The following TRIM44 variants were observed in gnomAD, a reference collection of about 807,000 sequenced individuals.
TRIM44 encodes tripartite motif containing 44.
TRIM44 carries 13 observed loss-of-function variants against 37.4 expected under a neutral mutation model. The ratio of observed to expected loss-of-function variants is 0.35; its 90% CI spans 0.23 to 0.55. TRIM44 has a LOEUF of 0.55. Ranked by LOEUF, TRIM44 falls within the 20% of genes least tolerant of loss-of-function variation. The pLI is 0.89. For synonymous variants in TRIM44, 175 were observed against 157.2 expected (o/e 1.11, Z -0.85); for missense variants, 426 against 437.2 (o/e 0.97, Z 0.23).
At chr11:35,742,543 T>TA in intron 4 of TRIM44, among the ~76,000 whole-genome samples, 1 of 119,770 alleles carries the variant, frequency 8.3e-6, no homozygotes, top group African/African-American at 4.4e-5. Flanking sequence ...ATAATTATAT[T>TA]AATTATATTA....
In TRIM44 at chr11:35,725,066, T is replaced by TCACACA. The variant is rs59413888; in HGVS notation, c.748-824_748-819dup. ...GGTTAACTAGGAGACATGCACACAC[T>TCACACA]CACACACACACACACACACACACAC... On this transcript the variant is annotated intron_variant, in intron 2 of 4. Transcript: ENST00000299413. 9.8e-3 allele frequency among the ~76,000 whole-genome samples: 1,390 copies of TCACACA among 141,136 alleles called. 18 individuals carry two copies. Among genetic ancestry groups the TCACACA allele is most frequent in the African/African-American group, 0.031 (1,133 of 36,156 alleles). 92.6% of individuals were successfully genotyped at this position (141,136 alleles called of 152,430 possible). A position where few individuals can be genotyped will look rare whatever the true frequency, so the allele number is the denominator to read the frequency against.
intron 4 of TRIM44, among the ~76,000 whole-genome samples, chr11:35,787,809 T>G (rs1312608923): frequency 1.3e-5 from 2 of 152,234 alleles, no homozygotes; most frequent in Non-Finnish European, 2.9e-5. Flanking sequence ...GTGACCCGCC[T>G]GAACCTTATG....
chr11:35,795,474 C>T (rs1004737958), intron 4 of TRIM44, among the ~76,000 whole-genome samples: 5 of 151,948 alleles, frequency 3.3e-5, no homozygotes, highest in African/African-American at 1.2e-4. Context: ...GTCAATAGGA[C>T]ATGCTATTGG....
At chr11:35,758,634 G>T (rs1163453446) in intron 4 of TRIM44, among the ~76,000 whole-genome samples, 1 of 152,182 alleles carries the variant, frequency 6.6e-6, no homozygotes, top group Non-Finnish European at 1.5e-5. Flanking sequence ...GCAGTGGCTG[G>T]TACTGGTTTT....
At chr11:35,737,713 G>A (rs1030940228) in intron 4 of TRIM44, among the ~76,000 whole-genome samples, 1 of 152,016 alleles carries the variant, frequency 6.6e-6, no homozygotes, top group African/African-American at 2.4e-5. Flanking sequence ...GCGCACACCT[G>A]TAATCCCAGC....
intron 4 of TRIM44, among the ~76,000 whole-genome samples, chr11:35,804,309 A>G (rs949670666): frequency 4.6e-5 from 7 of 152,334 alleles, no homozygotes; most frequent in Admixed American, 2.6e-4. Context: ...ATATTATAGT[A>G]AAGAACCTGG....
In TRIM44 at chr11:35,757,415, A is replaced by G. The variant is rs183905760; in HGVS notation, c.1007+21970A>G. ...TCTTTTCTTCATTAGTCTTGCTAGC[A>G]GTCTATCAATTTTGTTGATTTTTTC... is the stretch of plus-strand genomic sequence containing the variant. On this transcript the variant is annotated intron_variant, in intron 4 of 4. Coordinates refer to ENST00000299413, the MANE Select transcript of TRIM44 (RefSeq NM_017583.6). 1.9e-3 allele frequency among the ~76,000 whole-genome samples: 285 copies of G among 152,084 alleles called. 2 individuals carry two copies. The highest frequency in any genetic ancestry group is 6.6e-3 in the African/African-American group (274 of 41,480).
intron 4 of TRIM44, among the ~76,000 whole-genome samples, chr11:35,745,640 A>G (rs1852478520): frequency 6.6e-6 from 1 of 152,216 alleles, no homozygotes; most frequent in South Asian, 2.1e-4. Context: ...AAGCAAGATA[A>G]TTATTTACCC....
At chr11:35,795,923 C>T (rs1377799024) in intron 4 of TRIM44, among the ~76,000 whole-genome samples, 2 of 151,652 alleles carry the variant, frequency 1.3e-5, no homozygotes, top group Non-Finnish European at 2.9e-5. Flanking sequence ...TATATATCTG[C>T]CAACCACTTC....
At chr11:35,738,714 GTAT>G (rs1852355845) in intron 4 of TRIM44, among the ~76,000 whole-genome samples, 1 of 152,134 alleles carries the variant, frequency 6.6e-6, no homozygotes, top group Admixed American at 6.5e-5. Flanking sequence ...AAGGGCTTCT[GTAT>G]TGCTGACAGT....
At chr11:35,687,064 C>G (rs1199328157) in intron 2 of TRIM44, among the ~76,000 whole-genome samples, 1 of 152,140 alleles carries the variant, frequency 6.6e-6, no homozygotes, top group Non-Finnish European at 1.5e-5. Context: ...ATCATCTGCC[C>G]AAATCTAATG....
At position 35,663,164 on chromosome 11, in the gene TRIM44, G is replaced by A; in HGVS notation, c.53G>A (p.Cys18Tyr). The stretch of plus-strand genomic sequence containing the variant: ...GAGGAACTGCCTCACGACGGCACGT[G>A]TGACGAGTGCGAGCCCGACGAGGCT... The part of the protein sequence containing the change: ...AFEELPHDGT[C>Y]DECEPDEAPG... Residue 18 changes from cysteine to tyrosine, a missense_variant, in exon 1 of 5, where the codon TGT becomes TAT. Around this residue, in one of 2 missense-constraint regions of TRIM44, gnomAD observed 331 missense variants for 303.0 expected, o/e 1.09. Coordinates refer to ENST00000299413, the MANE Select transcript of TRIM44 (RefSeq NM_017583.6). 1.3e-6 allele frequency: 2 copies of A among 1,563,842 alleles called. No individual in the cohort carries two copies. Among genetic ancestry groups the A allele is most frequent in the Non-Finnish European group, 1.7e-6 (2 of 1,155,184 alleles).
intron 1 of TRIM44, among the ~76,000 whole-genome samples, chr11:35,669,471 T>C (rs1851368366): frequency 6.6e-6 from 1 of 151,582 alleles, no homozygotes; most frequent in Non-Finnish European, 1.5e-5. Flanking sequence ...TTTATTTATT[T>C]ATTTATTTAT....
At chr11:35,707,099 C>T (rs981541749) in intron 2 of TRIM44, among the ~76,000 whole-genome samples, 106 of 151,784 alleles carry the variant, frequency 7.0e-4, no homozygotes, top group Middle Eastern at 3.4e-3. Context: ...AAAAATCACA[C>T]GCATTCTTAT....
chr11:35,760,702 G>A (rs1228933598), intron 4 of TRIM44, among the ~76,000 whole-genome samples: 1 of 152,160 alleles, frequency 6.6e-6, no homozygotes, highest in African/African-American at 2.4e-5. Context: ...TATTTATATA[G>A]TACAACATGG....
At chr11:35,704,532 AGG>A (rs2135503154) in intron 2 of TRIM44, among the ~76,000 whole-genome samples, 1 of 152,360 alleles carries the variant, frequency 6.6e-6, no homozygotes, top group Non-Finnish European at 1.5e-5. Context: ...TTACCCACAA[AGG>A]GAAGCCCATC....
In TRIM44 at chr11:35,816,634, A is replaced by T. The variant is rs188435718; in HGVS notation, c.*10249A>T. Reference sequence around the variant, plus strand: ...CACTTGACCCTAGTGTTGCATCTTCACAAAAAAGAGCAATGTGCCGTCTTC... The same window carrying T: ...CACTTGACCCTAGTGTTGCATCTTCTCAAAAAAGAGCAATGTGCCGTCTTC... On this transcript the variant is annotated 3_prime_UTR_variant, in exon 5 of 5. Transcript: ENST00000299413. The T allele has an allele frequency of 7.2e-5, 11 of 152,320 alleles. No homozygotes were observed. The East Asian group carries it at 1.7e-3, about 24-fold the overall frequency. The allele number at this position is 152,320 out of a possible 1,614,324, so 9.4% of individuals were successfully genotyped here.
At chr11:35,780,556 C>T (rs752548606) in intron 4 of TRIM44, among the ~76,000 whole-genome samples, 5 of 152,156 alleles carry the variant, frequency 3.3e-5, no homozygotes, top group South Asian at 4.1e-4. Flanking sequence ...TATGCTATCA[C>T]GGTCTCATTT....
chr11:35,760,369 C>T (rs1369412683), intron 4 of TRIM44, among the ~76,000 whole-genome samples: 1 of 152,212 alleles, frequency 6.6e-6, no homozygotes, highest in African/African-American at 2.4e-5. Context: ...GTGGGAGTGA[C>T]CTGATGTTAC....
Sources: gnomAD v4.1 joint callset for allele counts (sites outside exome capture counted in the v4.1 genomes callset) on GRCh38, gnomAD v4.1.1 for gene constraint, gnomAD v4.1.1 regional missense constraint, MANE v1.5 for transcripts, NCBI Gene and HGNC (gene_info 2026-07-23, HGNC 2026-07-21) for gene names.